Variants in MGAT5 observed in about 807,000 individuals in gnomAD.
MGAT5 encodes alpha-1,6-mannosylglycoprotein 6-beta-N-acetylglucosaminyltransferase.
In MGAT5, 30 loss-of-function variants were observed where a neutral mutation model predicts 94.3. The observed-to-expected ratio is 0.32, with a 90% CI of 0.24 to 0.43. The LOEUF is 0.43. Among genes scored for constraint, MGAT5 ranks in the 20% least tolerant of loss-of-function variants. The pLI is 1.00. For synonymous variants in MGAT5, 310 were observed against 322.9 expected (o/e 0.96, Z 0.43); for missense variants, 691 against 905.5 (o/e 0.76, Z 3.04).
intron 1 of MGAT5, among the ~76,000 whole-genome samples, chr2:134,129,148 G>T (rs1685997423): frequency 1.3e-5 from 2 of 152,280 alleles, no homozygotes; most frequent in South Asian, 4.1e-4. Flanking sequence ...ATTCCTTTCT[G>T]GAGGCTTGAA....
chr2:134,341,256 TAGA>T (rs1222142183), intron 6 of MGAT5, among the ~76,000 whole-genome samples: 19 of 145,868 alleles, frequency 1.3e-4, no homozygotes, highest in African/African-American at 5.1e-4. Flanking sequence ...ATTTTAGCTG[TAGA>T]TAAAAGACCA....
intron 1 of MGAT5, among the ~76,000 whole-genome samples, chr2:134,135,719 C>G (rs1412062326): frequency 2.2e-5 from 3 of 135,152 alleles, no homozygotes; most frequent in Non-Finnish European, 4.8e-5. Context: ...AAAAAAGAAA[C>G]CTTGGCCCAC....
intron 11 of MGAT5, among the ~76,000 whole-genome samples, chr2:134,410,909 C>T (rs1409379044): frequency 6.6e-6 from 1 of 152,156 alleles, no homozygotes; most frequent in South Asian, 2.1e-4. Context: ...ATCTGGACTC[C>T]CTGTGCTATC....
At chr2:134,269,715 C>A (rs1167429676) in intron 1 of MGAT5, among the ~76,000 whole-genome samples, 1 of 152,148 alleles carries the variant, frequency 6.6e-6, no homozygotes, top group African/African-American at 2.4e-5. Flanking sequence ...AGAAAGGGAA[C>A]CAACTCTTAA....
intron 1 of MGAT5, among the ~76,000 whole-genome samples, chr2:134,232,836 A>G (rs1342475920): frequency 6.6e-6 from 1 of 152,128 alleles, no homozygotes; most frequent in African/African-American, 2.4e-5. Context: ...ATGGTGTGTT[A>G]TGGTGTGTCT....
At chr2:134,182,303 A>G (rs1000469503) in intron 1 of MGAT5, among the ~76,000 whole-genome samples, 3 of 152,276 alleles carry the variant, frequency 2.0e-5, no homozygotes, top group African/African-American at 4.8e-5. Flanking sequence ...CATACATAGG[A>G]TGGTTGAGAT....
intron 10 of MGAT5, among the ~76,000 whole-genome samples, chr2:134,382,500 C>T (rs1489228798): frequency 1.3e-5 from 2 of 152,016 alleles, no homozygotes; most frequent in Non-Finnish European, 2.9e-5. Flanking sequence ...GCAGTACCAC[C>T]CTTAGGGATT....
chr2:134,138,644 GTCC>G (rs1454363403), intron 1 of MGAT5, among the ~76,000 whole-genome samples: 1 of 152,174 alleles, frequency 6.6e-6, no homozygotes, highest in African/African-American at 2.4e-5. Flanking sequence ...GGAATACTGG[GTCC>G]TCCTGTTACC....
At chr2:134,260,895 A>G (rs891336456) in intron 1 of MGAT5, among the ~76,000 whole-genome samples, 1 of 152,060 alleles carries the variant, frequency 6.6e-6, no homozygotes. Context: ...GGCTGGTGTG[A>G]TTAAAGAAAG....
At chr2:134,242,258 A>C (rs988584646) in intron 1 of MGAT5, among the ~76,000 whole-genome samples, 15 of 152,234 alleles carry the variant, frequency 9.9e-5, no homozygotes, top group Non-Finnish European at 4.4e-5. Flanking sequence ...TTTGGAAAAC[A>C]TGTATCCAAA....
rs184414778 is a variant in MGAT5, at chr2:134,443,393, T to C, written c.2027+1478T>C. Among the ~76,000 whole-genome samples, 271 of 152,322 alleles carry C rather than the reference T, an allele frequency of 1.8e-3. 2 individuals carry two copies. Among genetic ancestry groups the C allele is most frequent in the African/African-American group, 6.0e-3 (251 of 41,562 alleles). On this transcript the variant is annotated intron_variant, in intron 15 of 15. Coordinates refer to ENST00000281923, the MANE Select transcript of MGAT5 (RefSeq NM_002410.5). ...TTTTAGTAGAGACAGGGTTTTACCATGTTGGCCAGGCTGGTCTCAAACTCC... is the reference window on the plus strand; with the variant it reads ...TTTTAGTAGAGACAGGGTTTTACCACGTTGGCCAGGCTGGTCTCAAACTCC...
chr2:134,407,079 C>A (rs1404021931), intron 11 of MGAT5, among the ~76,000 whole-genome samples: 1 of 152,188 alleles, frequency 6.6e-6, no homozygotes, highest in Non-Finnish European at 1.5e-5. Flanking sequence ...CATCTGGGAT[C>A]TCTGAGATTT....
At chr2:134,124,560 G>A (rs1282002910) in intron 1 of MGAT5, among the ~76,000 whole-genome samples, 1 of 152,194 alleles carries the variant, frequency 6.6e-6, no homozygotes, top group Non-Finnish European at 1.5e-5. Context: ...AGTTTGTCTT[G>A]TAAACTAGCA....
At chr2:134,160,517 G>A (rs1424843332) in intron 1 of MGAT5, among the ~76,000 whole-genome samples, 1 of 152,220 alleles carries the variant, frequency 6.6e-6, no homozygotes, top group Non-Finnish European at 1.5e-5. Flanking sequence ...TGCTCATGGG[G>A]GATGTGAAGG....
chr2:134,193,581 T>G (rs1477195237), intron 1 of MGAT5, among the ~76,000 whole-genome samples: 2 of 152,084 alleles, frequency 1.3e-5, no homozygotes, highest in East Asian at 3.9e-4. Flanking sequence ...CTAGCCCTCT[T>G]GGGAGTCCCA....
At chr2:134,374,631 G>C (rs1200804159) in intron 10 of MGAT5, among the ~76,000 whole-genome samples, 2 of 152,168 alleles carry the variant, frequency 1.3e-5, no homozygotes, top group African/African-American at 2.4e-5. Context: ...CATATATGCA[G>C]CATATGCTCA....
chr2:134,317,441 T>G lies in MGAT5; in HGVS notation c.407-88T>G. On this transcript the variant is annotated intron_variant, in intron 2 of 15. Coordinates refer to ENST00000281923, the MANE Select transcript of MGAT5 (RefSeq NM_002410.5). ...CCAACAGAGACCTTTCTTTTTTGGT[T>G]TCTCTCCCTACCTCTTGGCTTACAA... The G allele has an allele frequency of 3.1e-6, 3 of 965,308 alleles. 1 individual carries two copies. The highest frequency in any genetic ancestry group is 3.6e-5 in the South Asian group (2 of 54,894). 59.8% of individuals were successfully genotyped at this position (965,308 alleles called of 1,614,324 possible).
At chr2:134,179,187 A>T (rs927662115) in intron 1 of MGAT5, among the ~76,000 whole-genome samples, 12 of 151,992 alleles carry the variant, frequency 7.9e-5, no homozygotes, top group Admixed American at 7.2e-4. Flanking sequence ...GCCTTTTTTT[A>T]AAAAAGTGAT....
At chr2:134,385,687 T>A (rs1228309998) in intron 10 of MGAT5, among the ~76,000 whole-genome samples, 2 of 152,188 alleles carry the variant, frequency 1.3e-5, no homozygotes, top group Non-Finnish European at 2.9e-5. Context: ...CACGTAAGGT[T>A]GGATATTTAT....
Sources: allele counts gnomAD v4.1 joint callset (sites outside exome capture counted in the v4.1 genomes callset), GRCh38; gene constraint gnomAD v4.1.1; transcripts MANE v1.5; gene names NCBI Gene and HGNC (gene_info 2026-07-23, HGNC 2026-07-21).